Variants in MAGI2 observed in about 807,000 individuals in gnomAD.
MAGI2 encodes the protein membrane associated guanylate kinase, WW and PDZ domain containing 2.
MAGI2 carries 35 observed loss-of-function variants against 133.3 expected under a neutral mutation model. That is an observed-to-expected ratio of 0.26 (90% confidence interval 0.20 to 0.35). MAGI2 has a LOEUF of 0.35. Among genes scored for constraint, MAGI2 ranks in the 10% least tolerant of loss-of-function variants. The pLI is 1.00. For synonymous variants in MAGI2, 729 were observed against 710.6 expected (o/e 1.03, Z -0.41); for missense variants, 1,636 against 1,863.4 (o/e 0.88, Z 2.25).
chr7:78,704,778 CTTTTT>C (rs762077849), intron 2 of MAGI2, among the ~76,000 whole-genome samples: 509 of 47,366 alleles, frequency 0.011, 13 homozygotes, highest in African/African-American at 0.032. Context: ...GGCCATTATT[CTTTTT>C]TTTTTTTTTT....
chr7:78,990,905 T>TACACACAC (rs140828645), intron 2 of MAGI2, among the ~76,000 whole-genome samples: 10,515 of 141,344 alleles, frequency 0.074, 446 homozygotes, highest in Middle Eastern at 0.1. Flanking sequence ...TATATGTACA[T>TACACACAC]ACACACACAC....
intron 1 of MAGI2, among the ~76,000 whole-genome samples, chr7:79,349,462 TTAA>T (rs150162426): frequency 5.3e-5 from 8 of 151,430 alleles, no homozygotes; most frequent in Admixed American, 1.3e-4. Flanking sequence ...ATTCTTTTAG[TTAA>T]TAATAATAAT....
chr7:78,878,576 A>G (rs1167922984), intron 2 of MAGI2, among the ~76,000 whole-genome samples: 2 of 152,226 alleles, frequency 1.3e-5, no homozygotes, highest in Non-Finnish European at 2.9e-5. Flanking sequence ...TCACATGCCA[A>G]TATTTCGTGC....
At chr7:78,209,387 G>A (rs1190944401) in intron 10 of MAGI2, among the ~76,000 whole-genome samples, 31 of 148,780 alleles carry the variant, frequency 2.1e-4, no homozygotes, top group African/African-American at 5.4e-4. Context: ...TCAGCCTCCC[G>A]AGTAGCTGGG....
At chr7:78,498,726 A>G (rs1194489036) in intron 5 of MAGI2, among the ~76,000 whole-genome samples, 1 of 152,108 alleles carries the variant, frequency 6.6e-6, no homozygotes, top group Non-Finnish European at 1.5e-5. Flanking sequence ...CCTTTATGAA[A>G]GACAGATGAA....
intron 3 of MAGI2, among the ~76,000 whole-genome samples, chr7:78,537,789 A>G (rs1273290161): frequency 6.9e-6 from 1 of 145,382 alleles, no homozygotes; most frequent in Non-Finnish European, 1.5e-5. Context: ...CTCCCATTCT[A>G]TGAATTGTCT....
intron 1 of MAGI2, among the ~76,000 whole-genome samples, chr7:79,090,320 T>C (rs75199485): frequency 0.044 from 6,757 of 152,120 alleles, 228 homozygotes; most frequent in African/African-American, 0.086. Flanking sequence ...ATTTCATCTG[T>C]ATTTTACTTG....
intron 2 of MAGI2, among the ~76,000 whole-genome samples, chr7:78,956,789 T>A (rs990742111): frequency 6.6e-6 from 1 of 152,188 alleles, no homozygotes; most frequent in African/African-American, 2.4e-5. Context: ...CTGTTTATTA[T>A]ACCAAGGCAG....
chr7:78,550,375 G>T (rs983223175), intron 3 of MAGI2, among the ~76,000 whole-genome samples: 4 of 152,132 alleles, frequency 2.6e-5, no homozygotes, highest in African/African-American at 9.7e-5. Flanking sequence ...GCAAAAGGGC[G>T]CCAGTACATC....
intron 1 of MAGI2, among the ~76,000 whole-genome samples, chr7:79,038,312 A>G (rs1811306617): frequency 6.6e-6 from 1 of 152,140 alleles, no homozygotes; most frequent in South Asian, 2.1e-4. Flanking sequence ...ACAAGCTGAG[A>G]GTTTTTTCTT....
At chr7:78,458,612 T>A (rs1584231666) in intron 6 of MAGI2, among the ~76,000 whole-genome samples, 1 of 150,606 alleles carries the variant, frequency 6.6e-6, no homozygotes, top group East Asian at 2.0e-4. Flanking sequence ...AGGTAAATCA[T>A]CTTTGCTGCA....
intron 16 of MAGI2, among the ~76,000 whole-genome samples, chr7:78,150,543 T>A: frequency 6.6e-6 from 1 of 152,196 alleles, no homozygotes; most frequent in Middle Eastern, 3.2e-3. Flanking sequence ...TGGTAGAGGA[T>A]CATCCTGTAC....
chr7:79,420,704 A>G (rs1846894633), intron 1 of MAGI2, among the ~76,000 whole-genome samples: 1 of 151,968 alleles, frequency 6.6e-6, no homozygotes, highest in Admixed American at 6.6e-5. Flanking sequence ...CACCAAGATT[A>G]CATCATCATG....
intron 1 of MAGI2, among the ~76,000 whole-genome samples, chr7:79,067,094 C>CT (rs1311600133): frequency 6.6e-6 from 1 of 152,132 alleles, no homozygotes; most frequent in Non-Finnish European, 1.5e-5. Flanking sequence ...TATGAGGGCT[C>CT]TTTTTTGCTT....
At chr7:79,163,216 T>A (rs557570493) in intron 1 of MAGI2, among the ~76,000 whole-genome samples, 3 of 152,200 alleles carry the variant, frequency 2.0e-5, no homozygotes, top group East Asian at 1.9e-4. Flanking sequence ...TTACTCATTG[T>A]CCAGGCTGGA....
chr7:78,335,991 A>G (rs1166487877), intron 9 of MAGI2, among the ~76,000 whole-genome samples: 1 of 152,192 alleles, frequency 6.6e-6, no homozygotes, highest in Non-Finnish European at 1.5e-5. Context: ...GTCATGTCTA[A>G]ACCGTTAAAT....
intron 1 of MAGI2, chr7:79,410,809 G>C (rs1032789471): frequency 1.3e-5 from 2 of 151,968 alleles, no homozygotes; most frequent in Non-Finnish European, 2.9e-5. Flanking sequence ...AGATATCAAG[G>C]TGTTGAAAGG....
At chr7:78,647,767 C>G (rs1366740878) in intron 2 of MAGI2, among the ~76,000 whole-genome samples, 2 of 152,070 alleles carry the variant, frequency 1.3e-5, no homozygotes, top group African/African-American at 4.8e-5. Context: ...GAATAATAGA[C>G]TGGATAAAGA....
chr7:78,113,555 A>T (rs988603271), intron 20 of MAGI2, among the ~76,000 whole-genome samples: 1 of 152,164 alleles, frequency 6.6e-6, no homozygotes, highest in Non-Finnish European at 1.5e-5. Flanking sequence ...TACAAATACT[A>T]CTGTGTTAAA....
Sources: gnomAD v4.1 joint callset for allele counts (sites outside exome capture counted in the v4.1 genomes callset) on GRCh38, gnomAD v4.1.1 for gene constraint, MANE v1.5 for transcripts, NCBI Gene and HGNC (gene_info 2026-07-23, HGNC 2026-07-21) for gene names.